The following ZNF474 variants were observed in gnomAD, a reference collection of about 807,000 sequenced individuals.
ZNF474 encodes the protein 4933409D10Rik.
For synonymous variants in ZNF474, 192 were observed against 162.2 expected (o/e 1.18, Z -1.39); for missense variants, 511 against 433.8 (o/e 1.18, Z -1.58).
chr5:122,146,152 C>T (rs535086849), intron 1 of ZNF474, among the ~76,000 whole-genome samples: 1 of 152,156 alleles, frequency 6.6e-6, no homozygotes, highest in Non-Finnish European at 1.5e-5. Context: ...CATTCTCCTC[C>T]CATTATTCCT....
At chr5:122,144,859 A>G (rs939978928) in intron 1 of ZNF474, among the ~76,000 whole-genome samples, 1 of 152,192 alleles carries the variant, frequency 6.6e-6, no homozygotes, top group African/African-American at 2.4e-5. Context: ...GCAAATGTCA[A>G]TATTACAATT....
At chr5:122,151,229 T>C (rs1234826483) in intron 1 of ZNF474, among the ~76,000 whole-genome samples, 1 of 152,192 alleles carries the variant, frequency 6.6e-6, no homozygotes, top group African/African-American at 2.4e-5. Flanking sequence ...GTAAAACTGA[T>C]TTCACCTGTG....
At chr5:122,146,737 G>T (rs1029672770) in intron 1 of ZNF474, among the ~76,000 whole-genome samples, 4 of 152,190 alleles carry the variant, frequency 2.6e-5, no homozygotes, top group Non-Finnish European at 5.9e-5. Flanking sequence ...CTTCTATGAT[G>T]GTTCCAGCAT....
At chr5:122,143,521 T>C (rs148735459) in intron 1 of ZNF474, among the ~76,000 whole-genome samples, 1 of 152,304 alleles carries the variant, frequency 6.6e-6, no homozygotes, top group East Asian at 1.9e-4. Flanking sequence ...AATATATCAA[T>C]TTTAGACACT....
chr5:122,153,164 C>T lies in ZNF474; in HGVS notation c.*79C>T. The T allele has an allele frequency of 2.0e-6, 3 of 1,522,286 alleles. No homozygotes were observed. Among genetic ancestry groups the T allele is most frequent in the African/African-American group, 1.4e-5 (1 of 71,966 alleles). 94.3% of individuals were successfully genotyped at this position (1,522,286 alleles called of 1,614,324 possible). A position where few individuals can be genotyped will look rare whatever the true frequency, so the allele number is the denominator to read the frequency against. ...TTCTATCAATGCCTTGTATCAGCCT[C>T]AAAGCAGCCTGTTCAAGTTAACTCC... On this transcript the variant is annotated 3_prime_UTR_variant, in exon 2 of 2. Coordinates refer to ENST00000296600, the MANE Select transcript of ZNF474 (RefSeq NM_207317.3).
At chr5:122,133,736 C>T (rs1755633854) in intron 1 of ZNF474, among the ~76,000 whole-genome samples, 1 of 152,040 alleles carries the variant, frequency 6.6e-6, no homozygotes, top group Admixed American at 6.6e-5. Flanking sequence ...ATATTTTTTA[C>T]ATTTTGTAGT....
intron 1 of ZNF474, among the ~76,000 whole-genome samples, chr5:122,149,252 A>G (rs1235786478): frequency 6.6e-6 from 1 of 152,186 alleles, no homozygotes; most frequent in Non-Finnish European, 1.5e-5. Context: ...CAATATGCCC[A>G]TATACCAAAC....
intron 1 of ZNF474, among the ~76,000 whole-genome samples, chr5:122,131,044 G>C (rs1266425124): frequency 6.6e-6 from 1 of 151,956 alleles, no homozygotes; most frequent in African/African-American, 2.4e-5. Flanking sequence ...TCAACAGGTA[G>C]GTATATGAAG....
intron 1 of ZNF474, among the ~76,000 whole-genome samples, chr5:122,141,302 T>C (rs1192899332): frequency 0.027 from 345 of 12,554 alleles, no homozygotes; most frequent in African/African-American, 0.056. Flanking sequence ...CCCTGGCTAT[T>C]TTTTTTTTTT....
intron 1 of ZNF474, among the ~76,000 whole-genome samples, chr5:122,130,215 T>G (rs1755545459): frequency 6.6e-6 from 1 of 152,156 alleles, no homozygotes; most frequent in South Asian, 2.1e-4. Context: ...TAACCAATCT[T>G]GAGTTCTTAA....
In ZNF474 at chr5:122,152,665, C is replaced by T. The variant is rs1410152309; in HGVS notation, c.675C>T (p.Tyr225=). 9 of 1,614,080 alleles carry T rather than the reference C, an allele frequency of 5.6e-6. No homozygotes were observed. The highest frequency in any genetic ancestry group is 1.6e-4 in the Middle Eastern group (1 of 6,084). The change falls in exon 2 of 2, where the codon TAC becomes TAT. Residue 225 remains tyrosine, a synonymous_variant. Coordinates refer to ENST00000296600, the MANE Select transcript of ZNF474 (RefSeq NM_207317.3). ...TPARPRTVIC[Y]ICGKEFGTLS... ...CCCGACCAAGGACTGTTATCTGCTACATATGTGGTAAGGAATTTGGCACCC... is the reference window on the plus strand; with the variant it reads ...CCCGACCAAGGACTGTTATCTGCTATATATGTGGTAAGGAATTTGGCACCC...
At chr5:122,135,148 T>C (rs1304187489) in intron 1 of ZNF474, among the ~76,000 whole-genome samples, 1 of 152,202 alleles carries the variant, frequency 6.6e-6, no homozygotes. Flanking sequence ...AACAACTCAA[T>C]AGTGAAAAAC....
chr5:122,135,857 G>A (rs1254258666), intron 1 of ZNF474, among the ~76,000 whole-genome samples: 1 of 152,068 alleles, frequency 6.6e-6, no homozygotes, highest in African/African-American at 2.4e-5. Context: ...GATGGAACTA[G>A]AGGACATTAT....
intron 1 of ZNF474, among the ~76,000 whole-genome samples, chr5:122,148,976 C>T (rs1336243838): frequency 6.6e-6 from 1 of 152,086 alleles, no homozygotes; most frequent in Non-Finnish European, 1.5e-5. Flanking sequence ...GTGATCCGCC[C>T]ACCTCGGCCT....
chr5:122,151,186 A>G (rs1756159417), intron 1 of ZNF474, among the ~76,000 whole-genome samples: 1 of 152,242 alleles, frequency 6.6e-6, no homozygotes, highest in South Asian at 2.1e-4. Context: ...TAAAATGTAT[A>G]TCACAACTAG....
chr5:122,136,835 T>G (rs968610530), intron 1 of ZNF474, among the ~76,000 whole-genome samples: 4 of 152,202 alleles, frequency 2.6e-5, no homozygotes, highest in African/African-American at 9.6e-5. Flanking sequence ...TCAGTTTTGT[T>G]TAAAAATTTA....
intron 1 of ZNF474, among the ~76,000 whole-genome samples, chr5:122,150,528 G>A (rs112659279): frequency 2.0e-5 from 3 of 152,114 alleles, no homozygotes; most frequent in East Asian, 1.9e-4. Flanking sequence ...AGTGTTTGCC[G>A]TGATGTAGAG....
chr5:122,142,940 C>G (rs1438323591), intron 1 of ZNF474, among the ~76,000 whole-genome samples: 2 of 152,126 alleles, frequency 1.3e-5, no homozygotes, highest in Non-Finnish European at 2.9e-5. Context: ...AGAGACCCAG[C>G]CTGCCTTATG....
intron 1 of ZNF474, among the ~76,000 whole-genome samples, chr5:122,137,009 A>G (rs557520047): frequency 6.6e-6 from 1 of 152,308 alleles, no homozygotes; most frequent in Admixed American, 6.5e-5. Context: ...AGAGATAAAT[A>G]TTACACATGC....
Sources: gnomAD v4.1 joint callset for allele counts (sites outside exome capture counted in the v4.1 genomes callset) on GRCh38, gnomAD v4.1.1 for gene constraint, MANE v1.5 for transcripts, NCBI Gene and HGNC (gene_info 2026-07-23, HGNC 2026-07-21) for gene names.